The following LIPJ variants were observed in gnomAD, a reference collection of about 807,000 sequenced individuals.
The protein encoded by LIPJ is lipase member J.
LIPJ carries 33 observed loss-of-function variants against 39.8 expected under a neutral mutation model. The observed-to-expected ratio is 0.83, with a 90% CI of 0.63 to 1.11. The LOEUF (loss-of-function observed/expected upper bound fraction) is 1.11, where lower values mean the gene tolerates loss of function less well. Among genes scored for constraint, LIPJ ranks in the 50% least tolerant of loss-of-function variants. LIPJ has a pLI of 0.00. For missense variants in LIPJ, 422 were observed against 427.9 expected (o/e 0.99, Z 0.12); for synonymous variants, 128 against 139.2 (o/e 0.92, Z 0.57).
chr10:88,606,524 C>T, intron 10 of LIPJ, 150 bp from the exon 11 acceptor site: 2 of 527,484 alleles, frequency 3.8e-6, no homozygotes, highest in South Asian at 6.9e-5. Context: ...TACTTTCATA[C>T]CTTTGTCTCA....
At chr10:88,616,837 T>C in the LIPJ span, among the ~76,000 whole-genome samples, 1 of 152,068 alleles carries the variant, frequency 6.6e-6, no homozygotes, top group Non-Finnish European at 1.5e-5. Context: ...ATGGCTACAG[T>C]CTCTAGAGGA....
upstream of LIPJ, chr10:88,584,312 G>A (rs1850830093): frequency 6.6e-6 from 1 of 151,898 alleles, no homozygotes; most frequent in African/African-American, 2.4e-5. Flanking sequence ...ATGAAAGATG[G>A]AATTGAACAG....
intron 8 of LIPJ, among the ~76,000 whole-genome samples, chr10:88,597,515 G>C (rs533785244): frequency 5.3e-5 from 8 of 151,968 alleles, no homozygotes; most frequent in African/African-American, 1.7e-4. Flanking sequence ...TAAACATCCA[G>C]ATTTGGCAGA....
At chr10:88,598,171 A>G (rs1213454699) in intron 8 of LIPJ, among the ~76,000 whole-genome samples, 2 of 151,966 alleles carry the variant, frequency 1.3e-5, no homozygotes, top group Non-Finnish European at 2.9e-5. Flanking sequence ...GTTCAGCTTG[A>G]ATCAGTCTCT....
intron 9 of LIPJ, among the ~76,000 whole-genome samples, chr10:88,604,099 T>A (rs911645743): frequency 6.6e-6 from 1 of 152,122 alleles, no homozygotes; most frequent in African/African-American, 2.4e-5. Flanking sequence ...TATTATAATG[T>A]GTTAGAAGGG....
intron 9 of LIPJ, among the ~76,000 whole-genome samples, chr10:88,604,366 A>G (rs762426656): frequency 6.6e-6 from 1 of 152,218 alleles, no homozygotes; most frequent in Non-Finnish European, 1.5e-5. Context: ...GTGATATGAT[A>G]TAGTTTACAC....
At chr10:88,596,303 T>C (rs763514562) in exon 7 of LIPJ, 14 of 1,513,642 alleles carry the variant, frequency 9.2e-6, no homozygotes, top group Non-Finnish European at 1.2e-5. Context: ...TTCTACTATA[T>C]CAAAGATAGC....
At chr10:88,622,850 T>G in the LIPJ span, among the ~76,000 whole-genome samples, 1 of 152,160 alleles carries the variant, frequency 6.6e-6, no homozygotes, top group African/African-American at 2.4e-5. Context: ...ATGGCTGCAT[T>G]GACAGAGAAA....
At chr10:88,598,876 C>T (rs544769586) in intron 8 of LIPJ, among the ~76,000 whole-genome samples, 7 of 149,158 alleles carry the variant, frequency 4.7e-5, no homozygotes, top group African/African-American at 1.5e-4. Context: ...TAATAAATAC[C>T]TGAGTTTTAA....
chr10:88,601,622 T>G (rs915190425), intron 8 of LIPJ, among the ~76,000 whole-genome samples: 2 of 152,208 alleles, frequency 1.3e-5, no homozygotes, highest in Admixed American at 1.3e-4. Flanking sequence ...AAAGGTTTGC[T>G]TCTTGTATTT....
At chr10:88,619,064 G>A in the LIPJ span, 1 of 152,070 alleles carries the variant, frequency 6.6e-6, no homozygotes, top group Admixed American at 6.5e-5. Context: ...TGTTGGTACT[G>A]GTATTCTGTG....
At chr10:88,607,548 G>A (rs1851698896), downstream of LIPJ, among the ~76,000 whole-genome samples, 1 of 152,110 alleles carries the variant, frequency 6.6e-6, no homozygotes, top group South Asian at 2.1e-4. Context: ...ATATTCCTAG[G>A]TAACTAGATC....
chr10:88,617,267 C>T, the LIPJ span, among the ~76,000 whole-genome samples: 15 of 151,702 alleles, frequency 9.9e-5, no homozygotes, highest in African/African-American at 3.4e-4. Context: ...AGATTAGATA[C>T]CTGAAGTTAG....
intron 6 of LIPJ, 55 bp downstream of exon 6, chr10:88,594,831 C>T: frequency 1.2e-6 from 1 of 862,612 alleles, no homozygotes; most frequent in East Asian, 2.7e-5. Context: ...TAAGGTTGTG[C>T]ATATACTTCT....
At chr10:88,607,062 A>T (rs1851692011), downstream of LIPJ, 1 of 675,876 alleles carries the variant, frequency 1.5e-6, no homozygotes, top group African/African-American at 1.8e-5. Flanking sequence ...CAGTCATTAA[A>T]TCAGTGTCAT....
At chr10:88,610,006 A>G (rs1055181034), downstream of LIPJ, among the ~76,000 whole-genome samples, 1 of 152,160 alleles carries the variant, frequency 6.6e-6, no homozygotes, top group Non-Finnish European at 1.5e-5. Flanking sequence ...AAGCCCCCCA[A>G]TTAATGGAGA....
At chr10:88,614,062 C>T in the LIPJ span, among the ~76,000 whole-genome samples, 2 of 151,098 alleles carry the variant, frequency 1.3e-5, no homozygotes, top group Admixed American at 6.6e-5. Context: ...ACATGTGACT[C>T]TTATTTGGAT....
chr10:88,601,351 GTTACCC>G (rs1338758932), intron 8 of LIPJ, among the ~76,000 whole-genome samples: 1 of 152,168 alleles, frequency 6.6e-6, no homozygotes, highest in East Asian at 1.9e-4. Context: ...AACCATGGCA[GTTACCC>G]TTTCAAGAGT....
chr10:88,616,752 G>C, the LIPJ span, among the ~76,000 whole-genome samples: 24 of 152,194 alleles, frequency 1.6e-4, no homozygotes, highest in Admixed American at 3.3e-4. Flanking sequence ...GCCTGGAGAA[G>C]GGGAGATGAA....
Sources: allele counts gnomAD v4.1 joint callset (sites outside exome capture counted in the v4.1 genomes callset), GRCh38; gene constraint gnomAD v4.1.1; transcripts MANE v1.5; gene names NCBI Gene and HGNC (gene_info 2026-07-23, HGNC 2026-07-21).